Variants in SPAG16 observed in about 807,000 individuals in gnomAD.
SPAG16 encodes sperm associated antigen 16.
Under a neutral mutation model 80.4 loss-of-function variants are expected in SPAG16, and 86 were observed. The observed-to-expected ratio is 1.07, with a 90% CI of 0.90 to 1.28. The LOEUF (loss-of-function observed/expected upper bound fraction) is 1.28, where lower values mean the gene tolerates loss of function less well. Ranked by LOEUF, SPAG16 falls within the 50% of genes most tolerant of loss-of-function variation. The pLI, the probability that SPAG16 is intolerant of heterozygous loss-of-function variation, is 0.00. For missense variants in SPAG16, 870 were observed against 765.3 expected, an observed-to-expected ratio of 1.14 and a Z score of -1.61; for synonymous variants, 294 against 265.9, an observed-to-expected ratio of 1.11 and a Z score of -1.03.
At chr2:213,512,933 C>T (rs983667859) in intron 10 of SPAG16, among the ~76,000 whole-genome samples, 5 of 151,902 alleles carry the variant, frequency 3.3e-5, no homozygotes, top group African/African-American at 1.2e-4. Flanking sequence ...CCTCAGCTTT[C>T]TTATCTTCCA....
chr2:213,976,135 T>TATACAC lies in SPAG16; in HGVS notation c.1401-37815_1401-37814insTACACA, dbSNP rs749957411. ...ATATATATATATATATATATATATA[T>TATACAC]ACACACACACACACACACACGTATG... On this transcript the variant is annotated intron_variant, in intron 12 of 15. Coordinates refer to ENST00000331683, the MANE Select transcript of SPAG16 (RefSeq NM_024532.5). Among the ~76,000 whole-genome samples, 310 of 81,388 alleles carry TATACAC rather than the reference T, an allele frequency of 3.8e-3. 1 individual carries two copies. Among genetic ancestry groups the TATACAC allele is most frequent in the South Asian group, 6.1e-3 (10 of 1,638 alleles). The allele number at this position is 81,388 out of a possible 152,430, so 53.4% of individuals were successfully genotyped here.
chr2:213,961,955 A>G (rs1157661639), intron 12 of SPAG16, among the ~76,000 whole-genome samples: 2 of 152,058 alleles, frequency 1.3e-5, no homozygotes, highest in African/African-American at 4.8e-5. Context: ...TGAAGTATTG[A>G]TATTAATTCT....
At chr2:213,589,608 C>A (rs1044211920) in intron 10 of SPAG16, among the ~76,000 whole-genome samples, 4 of 152,032 alleles carry the variant, frequency 2.6e-5, no homozygotes, top group African/African-American at 9.7e-5. Flanking sequence ...AGAACGCCAC[C>A]GCAGCTTCAC....
In SPAG16 at chr2:213,962,619, A is replaced by G. The variant is rs183162997; in HGVS notation, c.1400+32474A>G. Among the ~76,000 whole-genome samples, 8 of 152,346 alleles carry G rather than the reference A, an allele frequency of 5.3e-5. No homozygotes were observed. In the East Asian group the frequency reaches 1.5e-3, roughly 29 times the overall value. On this transcript the variant is annotated intron_variant, in intron 12 of 15. Transcript: ENST00000331683. ...AGTCTCAGCAGAGATTAAACCTGAT[A>G]TTTTGATCTGGGTCTTCCAGCCTCC...
rs556932070 is a variant in SPAG16 at position 213,393,323 on chromosome 2, GA to G, written c.942+18210del. ...ATTTGTAGATTAAATATAGCATAAT[GA>G]AAAAATAATATTCAATTAATGTTTT... On this transcript the variant is annotated intron_variant, in intron 9 of 15. Coordinates refer to ENST00000331683, the MANE Select transcript of SPAG16 (RefSeq NM_024532.5). 2.2e-3 allele frequency among the ~76,000 whole-genome samples: 329 copies of G among 151,420 alleles called. 2 individuals are homozygous for G. The highest frequency in any genetic ancestry group is 7.7e-3 in the African/African-American group (319 of 41,334).
At chr2:213,607,987 A>G (rs2061321824) in intron 10 of SPAG16, among the ~76,000 whole-genome samples, 1 of 152,140 alleles carries the variant, frequency 6.6e-6, no homozygotes, top group Admixed American at 6.5e-5. Context: ...TTTAACTGTG[A>G]TCCTTTATAG....
chr2:213,347,019 C>G (rs1443224722), intron 6 of SPAG16, among the ~76,000 whole-genome samples: 1 of 151,980 alleles, frequency 6.6e-6, no homozygotes, highest in Non-Finnish European at 1.5e-5. Context: ...TGGTCCTGGA[C>G]TTTTTTTGGT....
intron 13 of SPAG16, among the ~76,000 whole-genome samples, chr2:214,096,538 T>C (rs1185077378): frequency 6.6e-6 from 1 of 152,096 alleles, no homozygotes; most frequent in Non-Finnish European, 1.5e-5. Context: ...TTTTAGTCAG[T>C]TCTTATGCTA....
chr2:214,012,278 A>ATTTTTT (rs1559689715), intron 12 of SPAG16, among the ~76,000 whole-genome samples: 10 of 45,044 alleles, frequency 2.2e-4, no homozygotes, highest in Non-Finnish European at 2.9e-4. Flanking sequence ...ATATATATAT[A>ATTTTTT]TATATATATA....
intron 10 of SPAG16, among the ~76,000 whole-genome samples, chr2:213,546,935 G>A (rs1430081623): frequency 6.6e-6 from 1 of 152,092 alleles, no homozygotes; most frequent in Non-Finnish European, 1.5e-5. Context: ...AATTACTATT[G>A]AAAAAGCTGT....
intron 15 of SPAG16, among the ~76,000 whole-genome samples, chr2:214,341,642 T>C (rs1055082253): frequency 3.9e-5 from 6 of 152,224 alleles, no homozygotes. Context: ...TTTTAAGTTC[T>C]GAGAGAAAAT....
intron 13 of SPAG16, among the ~76,000 whole-genome samples, chr2:214,069,347 T>G (rs1277030631): frequency 2.0e-5 from 3 of 152,182 alleles, no homozygotes; most frequent in Non-Finnish European, 2.9e-5. Context: ...CACTTTCCTT[T>G]TTGATATTTC....
At chr2:213,687,672 C>T (rs1047285990) in intron 10 of SPAG16, among the ~76,000 whole-genome samples, 8 of 151,926 alleles carry the variant, frequency 5.3e-5, no homozygotes, top group Admixed American at 5.2e-4. Flanking sequence ...TTTTGTCTGA[C>T]CCCTTTCGAG....
intron 9 of SPAG16, among the ~76,000 whole-genome samples, chr2:213,432,792 G>C (rs893607726): frequency 6.6e-6 from 1 of 152,028 alleles, no homozygotes; most frequent in Non-Finnish European, 1.5e-5. Context: ...AGAGAGGACA[G>C]CACTAAAATA....
chr2:213,340,621 C>G (rs1287960138), intron 6 of SPAG16, among the ~76,000 whole-genome samples: 1 of 152,078 alleles, frequency 6.6e-6, no homozygotes, highest in East Asian at 1.9e-4. Flanking sequence ...GCACAGTGCT[C>G]TTTGCAGATA....
chr2:213,381,251 A>G (rs923858778), intron 9 of SPAG16, among the ~76,000 whole-genome samples: 1 of 152,200 alleles, frequency 6.6e-6, no homozygotes, highest in African/African-American at 2.4e-5. Flanking sequence ...CATGTAAATG[A>G]CTGCTGTTCC....
chr2:213,783,043 C>A (rs2070104661), intron 10 of SPAG16, among the ~76,000 whole-genome samples: 1 of 130,954 alleles, frequency 7.6e-6, no homozygotes, highest in African/African-American at 2.8e-5. Flanking sequence ...GCTATCCCTC[C>A]CCCCTCCCCC....
chr2:213,515,536 A>G (rs1055302875), intron 10 of SPAG16, among the ~76,000 whole-genome samples: 4 of 152,160 alleles, frequency 2.6e-5, no homozygotes, highest in Admixed American at 6.6e-5. Context: ...TTGAAATATT[A>G]TCTGCTTTTT....
intron 15 of SPAG16, among the ~76,000 whole-genome samples, chr2:214,395,044 C>T (rs1701289090): frequency 6.6e-6 from 1 of 152,100 alleles, no homozygotes; most frequent in South Asian, 2.1e-4. Context: ...CTTGTTAGCT[C>T]ATTTCTTTTT....
Sources: gnomAD v4.1 joint callset for allele counts (sites outside exome capture counted in the v4.1 genomes callset) on GRCh38, gnomAD v4.1.1 for gene constraint, MANE v1.5 for transcripts, NCBI Gene and HGNC (gene_info 2026-07-23, HGNC 2026-07-21) for gene names.